NRXN3: variants seen among roughly 807,000 people sequenced by gnomAD.
NRXN3 encodes neurexin 3, also known as neurexin III.
NRXN3 carries 32 observed loss-of-function variants against 137.6 expected under a neutral mutation model. That is an observed-to-expected ratio of 0.23 (90% CI 0.18 to 0.31). The LOEUF (loss-of-function observed/expected upper bound fraction) is 0.31. NRXN3 is among the 10% of genes least tolerant of loss of function. The pLI, the probability that NRXN3 is intolerant of heterozygous loss-of-function variation, is 1.00. For missense variants in NRXN3, 1,574 were observed against 2,062.5 expected (o/e 0.76, Z 4.59); for synonymous variants, 798 against 784.5 (o/e 1.02, Z -0.29).
Position 78,203,405 on chromosome 14 carries a change from A to G in NRXN3, c.-704+32731A>G, listed in dbSNP as rs1343369820. On this transcript the variant is annotated intron_variant, in intron 1 of 20. Coordinates refer to ENST00000335750, the MANE Select transcript of NRXN3 (RefSeq NM_001330195.2). ...AGTGACGAGTAGCCTGGGATATGGC[A>G]CTGGCTCCCAGGTATGATGTATTTC... is the stretch of plus-strand genomic sequence containing the variant. 4.6e-5 allele frequency among the ~76,000 whole-genome samples: 7 copies of G among 152,172 alleles called. No individual in the cohort carries two copies. In the East Asian group the frequency reaches 1.2e-3, roughly 25 times the overall value.
Position 78,456,811 on chromosome 14 carries a change from T to TTCTTTCTTTCTTTCTC in NRXN3, c.757+158966_757+158967insCTCTTTCTTTCTTTCT, listed in dbSNP as rs2094725832. ...TCTCTCTCTTTCTCTCTTTCTTTCT[T>TTCTTTCTTTCTTTCTC]TCTTTCTTTCTTTCTTTCTTTCTTT... On this transcript the variant is annotated intron_variant, in intron 4 of 20. Coordinates refer to ENST00000335750, the MANE Select transcript of NRXN3 (RefSeq NM_001330195.2). 4.3e-5 allele frequency among the ~76,000 whole-genome samples: 5 copies of TTCTTTCTTTCTTTCTC among 115,252 alleles called. No individual in the cohort carries two copies. In the South Asian group the frequency reaches 1.6e-3, roughly 37 times the overall value. The allele number at this position is 115,252 out of a possible 152,430, so 75.6% of individuals were successfully genotyped here.
chr14:79,210,867 G>C (rs1306054294), intron 15 of NRXN3, among the ~76,000 whole-genome samples: 1 of 151,992 alleles, frequency 6.6e-6, no homozygotes, highest in Non-Finnish European at 1.5e-5. Flanking sequence ...TCAGTGGGCT[G>C]GTAATCCCTA....
intron 15 of NRXN3, among the ~76,000 whole-genome samples, chr14:79,122,769 G>T (rs574657439): frequency 6.6e-6 from 1 of 151,980 alleles, no homozygotes. Context: ...TGCCTATTAC[G>T]TGCCAGATCC....
intron 4 of NRXN3, among the ~76,000 whole-genome samples, chr14:78,365,644 A>G (rs879562234): frequency 7.9e-5 from 12 of 152,210 alleles, no homozygotes; most frequent in Admixed American, 2.6e-4. Flanking sequence ...ACAATTTGCC[A>G]GTCTTGATCA....
At chr14:79,156,953 A>G (rs1030863614) in intron 15 of NRXN3, among the ~76,000 whole-genome samples, 3 of 151,846 alleles carry the variant, frequency 2.0e-5, no homozygotes, top group African/African-American at 7.2e-5. Context: ...CTAAATGCCC[A>G]GAGCATCCCC....
intron 16 of NRXN3, among the ~76,000 whole-genome samples, chr14:79,663,073 G>A (rs2098541924): frequency 6.6e-6 from 1 of 152,054 alleles, no homozygotes; most frequent in Non-Finnish European, 1.5e-5. Flanking sequence ...ATAAGCTCTG[G>A]TCTTGAATAT....
chr14:78,577,154 A>G (rs1010436858), intron 4 of NRXN3, among the ~76,000 whole-genome samples: 7 of 152,282 alleles, frequency 4.6e-5, no homozygotes, highest in African/African-American at 1.7e-4. Flanking sequence ...CAGCTATCTG[A>G]ATATTCAGTA....
Position 79,861,802 on chromosome 14 carries a change from C to G in NRXN3, c.4554C>G (p.Tyr1518Ter). The G allele has an allele frequency of 6.2e-7, 1 of 1,614,028 alleles. No homozygotes were observed. The highest frequency in any genetic ancestry group is 8.5e-7 in the Non-Finnish European group (1 of 1,180,022). Residue 1518 changes from tyrosine to a stop codon, truncating the protein, a stop_gained, in exon 21 of 21, where the codon TAC becomes TAG. Transcript: ENST00000335750. LOFTEE classifies it high-confidence loss of function. This position sits in a 1 kb window ranked among gnomAD's most constrained non-coding sequence, Gnocchi z 5.4. Reference protein sequence around the residue: ...LCILILLYAMYKYRNRDEGSY... With the variant: ...LCILILLYAM Reference sequence around the variant, plus strand: ...TCTTGATCCTCCTGTACGCCATGTACAAGTACAGGAACAGGGACGAGGGGT... The same window carrying G: ...TCTTGATCCTCCTGTACGCCATGTAGAAGTACAGGAACAGGGACGAGGGGT...
chr14:78,736,441 A>G (rs1029846823), intron 8 of NRXN3, among the ~76,000 whole-genome samples: 6 of 152,188 alleles, frequency 3.9e-5, no homozygotes, highest in African/African-American at 1.4e-4. Context: ...TCTTGCAACT[A>G]TTAGGTGAGG....
At chr14:79,027,302 A>G (rs1035525247) in intron 15 of NRXN3, among the ~76,000 whole-genome samples, 3 of 151,992 alleles carry the variant, frequency 2.0e-5, no homozygotes, top group African/African-American at 7.2e-5. Context: ...GGTCAATGTC[A>G]CAGAATGAAA....
chr14:79,613,122 T>C (rs1001407331), intron 16 of NRXN3, among the ~76,000 whole-genome samples: 8 of 152,212 alleles, frequency 5.3e-5, no homozygotes, highest in Non-Finnish European at 8.8e-5. Context: ...ATGTAGTGGT[T>C]GGATCTTCAG....
At chr14:78,650,831 T>C (rs936798725) in intron 5 of NRXN3, among the ~76,000 whole-genome samples, 3 of 152,190 alleles carry the variant, frequency 2.0e-5, no homozygotes, top group African/African-American at 7.2e-5. Context: ...ACAATCATTT[T>C]AGCAATGAAC....
chr14:78,498,554 G>T (rs562030447), intron 4 of NRXN3, among the ~76,000 whole-genome samples: 39 of 152,198 alleles, frequency 2.6e-4, no homozygotes, highest in Non-Finnish European at 4.4e-4. Flanking sequence ...CCTGGTTGGG[G>T]GTAGGGATAA....
chr14:79,291,432 ACCAG>A (rs2083185783), intron 15 of NRXN3, among the ~76,000 whole-genome samples: 1 of 151,540 alleles, frequency 6.6e-6, no homozygotes, highest in East Asian at 2.0e-4. Context: ...TATTGTCCAG[ACCAG>A]TCTCAAACTC....
At chr14:79,094,054 A>C (rs970149890) in intron 15 of NRXN3, among the ~76,000 whole-genome samples, 27 of 152,106 alleles carry the variant, frequency 1.8e-4, no homozygotes, top group African/African-American at 6.5e-4. Flanking sequence ...TTGTCTACTC[A>C]GAGCTGAGAT....
At position 78,905,017 on chromosome 14, in the gene NRXN3, A is replaced by T. The variant is rs940972103; in HGVS notation, c.2276-52225A>T. On this transcript the variant is annotated intron_variant, in intron 10 of 20. Coordinates refer to ENST00000335750, the MANE Select transcript of NRXN3 (RefSeq NM_001330195.2). Reference sequence around the variant, plus strand: ...ACCACCCAGTTAATCTCCTGAACTAACTCTTTGGCCATGTATCCTTTTGTA... The same window carrying T: ...ACCACCCAGTTAATCTCCTGAACTATCTCTTTGGCCATGTATCCTTTTGTA... Among the ~76,000 whole-genome samples the T allele has an allele frequency of 5.3e-5, 8 of 151,990 alleles. No individual in the cohort carries two copies. In the South Asian group the frequency reaches 1.2e-3, roughly 24 times the overall value.
chr14:79,493,157 C>T lies in NRXN3; in HGVS notation c.3444+25755C>T, dbSNP rs534883447. Among the ~76,000 whole-genome samples the T allele has an allele frequency of 1.2e-4, 18 of 152,238 alleles. No individual in the cohort carries two copies. In the South Asian group the frequency reaches 3.1e-3, roughly 26 times the overall value. ...AAATTCTAGGACTAAATGGATGATC[C>T]ACTGGGAGGCAATGTCCAGACAGAT... is the stretch of plus-strand genomic sequence containing the variant. On this transcript the variant is annotated intron_variant, in intron 16 of 20. Coordinates refer to ENST00000335750, the MANE Select transcript of NRXN3 (RefSeq NM_001330195.2).
intron 6 of NRXN3, among the ~76,000 whole-genome samples, chr14:78,655,589 T>C (rs1205611616): frequency 6.6e-6 from 1 of 152,152 alleles, no homozygotes; most frequent in Non-Finnish European, 1.5e-5. Flanking sequence ...GTGAATTCCA[T>C]GAGAACAGAG....
intron 16 of NRXN3, among the ~76,000 whole-genome samples, chr14:79,648,807 G>T (rs972174101): frequency 8.5e-5 from 13 of 152,110 alleles, no homozygotes; most frequent in African/African-American, 2.9e-4. Context: ...AGATCTGGTA[G>T]TTTGGTGAGC....
Sources: allele counts gnomAD v4.1 joint callset (sites outside exome capture counted in the v4.1 genomes callset), GRCh38; gene constraint gnomAD v4.1.1; non-coding constraint Gnocchi (gnomAD v3.1); transcripts MANE v1.5; gene names NCBI Gene and HGNC (gene_info 2026-07-23, HGNC 2026-07-21).